ATF7IP2: variants seen among roughly 807,000 people sequenced by gnomAD.
ATF7IP2 encodes the protein activating transcription factor 7-interacting protein 2.
A neutral mutation model predicts 64.2 loss-of-function variants in ATF7IP2; 42 were observed. The observed-to-expected ratio is 0.65, with a 90% confidence interval of 0.51 to 0.85. The LOEUF is 0.85. ATF7IP2 is among the 40% of genes least tolerant of loss of function. ATF7IP2 has a pLI of 0.00. For missense variants in ATF7IP2, 933 were observed against 784.2 expected, an observed-to-expected ratio of 1.19 and a Z score of -2.27; for synonymous variants, 308 against 272.8, an observed-to-expected ratio of 1.13 and a Z score of -1.27.
intron 1 of ATF7IP2, among the ~76,000 whole-genome samples, chr16:10,388,749 AC>A (rs1237836072): frequency 1.3e-5 from 2 of 152,038 alleles, no homozygotes; most frequent in African/African-American, 4.8e-5. Flanking sequence ...GGTGGCTCAC[AC>A]CTGTAATCCC....
chr16:10,414,057 C>G (rs1429167675), intron 1 of ATF7IP2, among the ~76,000 whole-genome samples: 2 of 152,150 alleles, frequency 1.3e-5, no homozygotes, highest in Non-Finnish European at 2.9e-5. Flanking sequence ...TGCCAGTGTG[C>G]CTAGGTGATG....
At chr16:10,444,558 A>G (rs368862279) in intron 8 of ATF7IP2, among the ~76,000 whole-genome samples, 2 of 152,192 alleles carry the variant, frequency 1.3e-5, no homozygotes, top group South Asian at 2.1e-4. Context: ...TGTCTTTTTG[A>G]GGGGCAGTTC....
intron 13 of ATF7IP2, 114 bp downstream of exon 13, chr16:10,481,078 G>T (rs1431555345): frequency 6.8e-6 from 5 of 737,270 alleles, no homozygotes; most frequent in South Asian, 1.7e-5. Flanking sequence ...ACAATTTAGT[G>T]TGCTGTTGTT....
chr16:10,438,092 A>T lies in ATF7IP2; in HGVS notation c.961-9A>T, dbSNP rs1390506350. 4.6e-6 allele frequency: 7 copies of T among 1,524,484 alleles called. No individual in the cohort carries two copies. Among genetic ancestry groups the T allele is most frequent in the Non-Finnish European group, 5.3e-6 (6 of 1,141,856 alleles). The allele number at this position is 1,524,484 out of a possible 1,614,324, so 94.4% of individuals were successfully genotyped here. On this transcript the variant is annotated splice_polypyrimidine_tract_variant and intron_variant, in intron 6 of 13. Transcript: ENST00000562102. ...GTAGGGTGTTTTGGTTTTTATTTTA[A>T]AATTCTAGGTCAGACATTTGATTCA...
intron 8 of ATF7IP2, chr16:10,454,103 G>A: frequency 6.6e-6 from 1 of 151,128 alleles, no homozygotes; most frequent in Middle Eastern, 3.4e-3. Context: ...CTGTCATAAA[G>A]TTATCAGTAA....
intron 9 of ATF7IP2, among the ~76,000 whole-genome samples, chr16:10,462,019 G>C (rs1174114493): frequency 6.6e-6 from 1 of 151,790 alleles, no homozygotes; most frequent in Non-Finnish European, 1.5e-5. Flanking sequence ...GCCATCTTTT[G>C]AATTAATCTT....
intron 8 of ATF7IP2, among the ~76,000 whole-genome samples, chr16:10,453,177 G>A (rs1248851555): frequency 6.6e-6 from 1 of 152,210 alleles, no homozygotes; most frequent in Non-Finnish European, 1.5e-5. Flanking sequence ...TGCCCTAACA[G>A]CCACCCAGCT....
chr16:10,407,920 T>A lies in ATF7IP2; in HGVS notation c.-241-6654T>A, dbSNP rs557245998. ...CTCTTGAGTTACTTCTTTCTTTCTT[T>A]TTTTTTTTTTTAGACGGAGTCTCGC... On this transcript the variant is annotated intron_variant, in intron 1 of 13. Transcript: ENST00000562102. Among the ~76,000 whole-genome samples the A allele has an allele frequency of 4.0e-5, 6 of 150,038 alleles. No homozygotes were observed. The East Asian group carries it at 9.7e-4, about 24-fold the overall frequency.
At chr16:10,465,745 A>G (rs1445114838) in intron 9 of ATF7IP2, among the ~76,000 whole-genome samples, 1 of 150,526 alleles carries the variant, frequency 6.6e-6, no homozygotes. Context: ...GCCCAAAAAC[A>G]AAAAAGAGCT....
chr16:10,438,055 T>C, intron 6 of ATF7IP2, 46 bp from the exon 7 acceptor site: 1 of 1,457,876 alleles, frequency 6.9e-7, no homozygotes, highest in Non-Finnish European at 9.1e-7. Context: ...AAATTGCTTT[T>C]AAATTTGAAA....
At chr16:10,470,799 A>ATG (rs1482075498) in intron 9 of ATF7IP2, among the ~76,000 whole-genome samples, 2 of 145,312 alleles carry the variant, frequency 1.4e-5, no homozygotes, top group African/African-American at 5.4e-5. Context: ...ATATATATAT[A>ATG]TGTATATATA....
intron 8 of ATF7IP2, chr16:10,449,852 C>T (rs2141977480): frequency 6.6e-6 from 1 of 152,068 alleles, no homozygotes; most frequent in African/African-American, 2.4e-5. Context: ...AGAGTTATTT[C>T]TTGTCTTCTG....
chr16:10,416,103 A>G (rs973557742), intron 2 of ATF7IP2, among the ~76,000 whole-genome samples: 9 of 152,236 alleles, frequency 5.9e-5, no homozygotes, highest in African/African-American at 2.2e-4. Flanking sequence ...TGCTGAATAT[A>G]TACCCAAATG....
intron 13 of ATF7IP2, 114 bp downstream of exon 13, chr16:10,481,078 G>A (rs1431555345): frequency 3.1e-5 from 23 of 737,152 alleles, no homozygotes; most frequent in Non-Finnish European, 3.5e-5. Context: ...ACAATTTAGT[G>A]TGCTGTTGTT....
intron 1 of ATF7IP2, among the ~76,000 whole-genome samples, chr16:10,392,909 C>T (rs879360219): frequency 1.3e-5 from 2 of 151,876 alleles, no homozygotes; most frequent in African/African-American, 4.8e-5. Context: ...TTGTTTGAGT[C>T]CCGGAGGTTG....
At chr16:10,407,026 TGAA>T (rs142810558) in intron 1 of ATF7IP2, among the ~76,000 whole-genome samples, 31 of 152,258 alleles carry the variant, frequency 2.0e-4, no homozygotes, top group African/African-American at 6.0e-4. Context: ...TAACAGTGCA[TGAA>T]GAAGATTATT....
At chr16:10,430,062 C>T (rs1027887534) in intron 4 of ATF7IP2, among the ~76,000 whole-genome samples, 3 of 151,736 alleles carry the variant, frequency 2.0e-5, no homozygotes, top group African/African-American at 7.3e-5. Context: ...CCACGTTGAC[C>T]AAGCTGGTCT....
chr16:10,440,065 C>G (rs917043479), intron 7 of ATF7IP2, among the ~76,000 whole-genome samples: 2 of 151,908 alleles, frequency 1.3e-5, no homozygotes, highest in African/African-American at 4.8e-5. Context: ...GAGGCTGAGG[C>G]AGGAGAATCG....
chr16:10,405,706 C>T (rs1209249793), intron 1 of ATF7IP2, among the ~76,000 whole-genome samples: 2 of 152,192 alleles, frequency 1.3e-5, no homozygotes, highest in Non-Finnish European at 2.9e-5. Context: ...CACCTAGATC[C>T]CTCCTGCCCA....
Sources: allele counts gnomAD v4.1 joint callset (sites outside exome capture counted in the v4.1 genomes callset), GRCh38; gene constraint gnomAD v4.1.1; transcripts MANE v1.5; gene names NCBI Gene and HGNC (gene_info 2026-07-23, HGNC 2026-07-21).